Variants in PDZD2 observed in about 807,000 individuals in gnomAD.
PDZD2 encodes PDZ domain containing 2, also known as PDZ domain-containing protein 2.
A neutral mutation model predicts 220.7 loss-of-function variants in PDZD2; 90 were observed. The ratio of observed to expected loss-of-function variants is 0.41; its 90% CI spans 0.34 to 0.49. The LOEUF (loss-of-function observed/expected upper bound fraction) is 0.49. Among genes scored for constraint, PDZD2 ranks in the 20% least tolerant of loss-of-function variants. PDZD2 has a pLI of 0.28. For missense variants in PDZD2, 3,174 were observed against 3,608.5 expected, an observed-to-expected ratio of 0.88 and a Z score of 3.08; for synonymous variants, 1,375 against 1,450.5, an observed-to-expected ratio of 0.95 and a Z score of 1.18.
At position 32,090,954 on chromosome 5, in the gene PDZD2, A is replaced by T. The variant is rs934867173; in HGVS notation, c.7506A>T (p.Ser2502=). 1.9e-6 allele frequency: 3 copies of T among 1,613,818 alleles called. No individual in the cohort carries two copies. In the African/African-American group the frequency reaches 4.0e-5, roughly 22 times the overall value. The part of the protein sequence containing the change: ...DLDKLCSEDY[S]AGPSAVLFKT... ...ACAAGCTCTGCAGCGAGGATTACTC[A>T]GCAGGGCCGAGCGCCGTGCTCTTCA... The change falls in exon 20 of 25, where the codon TCA becomes TCT. Residue 2502 remains serine (S), a synonymous_variant. Coordinates refer to ENST00000438447, the MANE Select transcript of PDZD2 (RefSeq NM_178140.4). This position sits in a 1 kb window ranked among gnomAD's most constrained non-coding sequence, Gnocchi z 4.3.
At chr5:31,853,070 T>C (rs912886216) in intron 2 of PDZD2, among the ~76,000 whole-genome samples, 2 of 152,228 alleles carry the variant, frequency 1.3e-5, no homozygotes, top group African/African-American at 4.8e-5. Flanking sequence ...TTGAACTTAA[T>C]TCCCATAAAA....
intron 7 of PDZD2, among the ~76,000 whole-genome samples, chr5:32,039,804 A>C (rs1755893215): frequency 6.9e-6 from 1 of 145,188 alleles, no homozygotes; most frequent in African/African-American, 2.6e-5. Context: ...ATCGTCTGGG[A>C]TGTGAGGAGC....
chr5:31,858,701 A>T (rs1291885667), intron 2 of PDZD2, among the ~76,000 whole-genome samples: 1 of 151,164 alleles, frequency 6.6e-6, no homozygotes, highest in Non-Finnish European at 1.5e-5. Context: ...TCCTTCCTTC[A>T]TCCCTCCCTC....
Position 31,880,798 on chromosome 5 carries a change from T to TC in PDZD2, c.476+81074_476+81075insC, listed in dbSNP as rs55945817. The stretch of plus-strand genomic sequence containing the variant: ...TAGCTTTCTTTTTTTTTTCTTTTTT[T>TC]TTTTTTTTTTTTTTTTTTTTGAGAT... On this transcript the variant is annotated intron_variant, in intron 2 of 24. Coordinates refer to ENST00000438447, the MANE Select transcript of PDZD2 (RefSeq NM_178140.4). Among the ~76,000 whole-genome samples the TC allele has an allele frequency of 8.0e-3, 814 of 102,138 alleles. 11 individuals carry two copies. Among genetic ancestry groups the TC allele is most frequent in the African/African-American group, 0.023 (377 of 16,604 alleles). 67.0% of individuals were successfully genotyped at this position (102,138 alleles called of 152,430 possible).
chr5:31,765,139 C>A (rs1156859886), intron 1 of PDZD2, among the ~76,000 whole-genome samples: 2 of 152,086 alleles, frequency 1.3e-5, no homozygotes, highest in Non-Finnish European at 2.9e-5. Context: ...GGTTCTCAGG[C>A]CCATTGCTGA....
intron 1 of PDZD2, among the ~76,000 whole-genome samples, chr5:31,683,021 G>T (rs1232865251): frequency 2.0e-5 from 3 of 151,796 alleles, no homozygotes; most frequent in Non-Finnish European, 4.4e-5. Context: ...TCTCTTTGAG[G>T]CCATCTCCCC....
rs952343606 is a variant in PDZD2, at chr5:31,669,417, A to T, written c.-361+29980A>T. Among the ~76,000 whole-genome samples, 287 of 151,332 alleles carry T rather than the reference A, an allele frequency of 1.9e-3. 1 individual carries two copies. The highest frequency in any genetic ancestry group is 6.5e-3 in the African/African-American group (268 of 41,326). On this transcript the variant is annotated intron_variant, in intron 1 of 24. Transcript: ENST00000438447. ...ACCCTGTCTCAAAAAAAAAAAAAAA[A>T]AAAAAATAAGATCTATCCAGCCCCT...
chr5:31,939,330 G>C (rs1448273787), intron 2 of PDZD2, among the ~76,000 whole-genome samples: 2 of 152,178 alleles, frequency 1.3e-5, no homozygotes, highest in Non-Finnish European at 2.9e-5. Context: ...CCTGATTTGC[G>C]TAACTGCTGA....
At chr5:31,893,079 A>G (rs1741201318) in intron 2 of PDZD2, among the ~76,000 whole-genome samples, 1 of 150,192 alleles carries the variant, frequency 6.7e-6, no homozygotes, top group African/African-American at 2.4e-5. Flanking sequence ...CCAAGAAAGA[A>G]TATTTTTTTG....
At chr5:32,010,243 T>C in intron 5 of PDZD2, 87 bp from the exon 6 acceptor site, 1 of 891,576 alleles carries the variant, frequency 1.1e-6, no homozygotes, top group Non-Finnish European at 1.8e-6. Flanking sequence ...TTTGGGAGCA[T>C]GTAGCTTGAC....
At chr5:31,871,696 G>C (rs1738809897) in intron 2 of PDZD2, among the ~76,000 whole-genome samples, 1 of 152,236 alleles carries the variant, frequency 6.6e-6, no homozygotes, top group East Asian at 1.9e-4. Flanking sequence ...TGATCCACCT[G>C]CCTCAGCCTC....
chr5:31,707,492 G>C (rs1747887211), intron 1 of PDZD2, among the ~76,000 whole-genome samples: 1 of 152,030 alleles, frequency 6.6e-6, no homozygotes. Flanking sequence ...CTTTATCTTG[G>C]ACTTTAAGCC....
chr5:31,732,729 AT>A (rs1749607793), intron 1 of PDZD2, among the ~76,000 whole-genome samples: 1 of 152,062 alleles, frequency 6.6e-6, no homozygotes, highest in African/African-American at 2.4e-5. Flanking sequence ...GCAGCTTTTT[AT>A]TTTTATTTTA....
At chr5:31,904,702 G>T (rs1467334887) in intron 2 of PDZD2, among the ~76,000 whole-genome samples, 2 of 151,678 alleles carry the variant, frequency 1.3e-5, no homozygotes, top group African/African-American at 4.8e-5. Context: ...TAATTTTTTT[G>T]TATTTTTAGT....
intron 1 of PDZD2, among the ~76,000 whole-genome samples, chr5:31,760,502 A>G (rs1751569437): frequency 6.6e-6 from 1 of 152,180 alleles, no homozygotes; most frequent in Admixed American, 6.5e-5. Context: ...GTAGATTTCA[A>G]AGAATGGTAT....
At chr5:31,650,765 A>G (rs894769714) in intron 1 of PDZD2, among the ~76,000 whole-genome samples, 5 of 152,190 alleles carry the variant, frequency 3.3e-5, no homozygotes, top group African/African-American at 9.6e-5. Flanking sequence ...TAATCAGAAA[A>G]AGCTCTGAGG....
At chr5:31,841,551 T>C (rs1264782592) in intron 2 of PDZD2, among the ~76,000 whole-genome samples, 1 of 152,062 alleles carries the variant, frequency 6.6e-6, no homozygotes. Context: ...CGGGCGCCTG[T>C]AGTCCCAGCT....
chr5:32,081,977 C>T (rs184075179), intron 19 of PDZD2, among the ~76,000 whole-genome samples: 5 of 150,982 alleles, frequency 3.3e-5, no homozygotes, highest in African/African-American at 9.7e-5. Flanking sequence ...CTCGGCCTCC[C>T]GAAGTGCTGG....
chr5:31,816,015 G>A (rs1580812406), intron 2 of PDZD2, among the ~76,000 whole-genome samples: 1 of 152,004 alleles, frequency 6.6e-6, no homozygotes, highest in Non-Finnish European at 1.5e-5. Flanking sequence ...TGGGCCGGGC[G>A]CAGTGGCTCA....
Sources: allele counts gnomAD v4.1 joint callset (sites outside exome capture counted in the v4.1 genomes callset), GRCh38; gene constraint gnomAD v4.1.1; non-coding constraint Gnocchi (gnomAD v3.1); transcripts MANE v1.5; gene names NCBI Gene and HGNC (gene_info 2026-07-23, HGNC 2026-07-21).